Variants in ZNF79 observed in about 807,000 individuals in gnomAD.
ZNF79 encodes ZNFpT7.
A neutral mutation model predicts 14.9 loss-of-function variants in ZNF79; 13 were observed. The ratio of observed to expected loss-of-function variants is 0.87; its 90% CI spans 0.57 to 1.38. The LOEUF is 1.38. Among genes scored for constraint, ZNF79 ranks in the 40% most tolerant of loss-of-function variants. The pLI is 0.00. For missense variants in ZNF79, 631 were observed against 630.6 expected (o/e 1.00, Z -0.01); for synonymous variants, 223 against 235.1 (o/e 0.95, Z 0.47).
chr9:127,427,425 A>G (rs1478198108), intron 1 of ZNF79, among the ~76,000 whole-genome samples: 1 of 148,900 alleles, frequency 6.7e-6, no homozygotes, highest in South Asian at 2.1e-4. Flanking sequence ...CTCCGTCTCA[A>G]AAAAAAAAAA....
Position 127,444,694 on chromosome 9 carries a change from C to T in ZNF79, c.994C>T (p.Pro332Ser). 1.2e-6 allele frequency: 2 copies of T among 1,614,038 alleles called. No individual in the cohort carries two copies. The highest frequency in any genetic ancestry group is 2.2e-5 in the South Asian group (2 of 91,076). The change falls in exon 5 of 5, where the codon CCC becomes TCC. Residue 332 changes from proline to serine, a missense_variant. By Grantham distance (74) the Pro-to-Ser change is moderately conservative. Transcript: ENST00000342483. ...NHQRTHTGEKPYKCSECGKAF... is the reference protein window; with the variant it reads ...NHQRTHTGEKSYKCSECGKAF... ...TCAGAGGACTCACACCGGGGAGAAG[C>T]CCTACAAGTGCAGCGAGTGTGGGAA...
intron 1 of ZNF79, among the ~76,000 whole-genome samples, chr9:127,427,447 T>C (rs371534670): frequency 6.1e-4 from 89 of 146,642 alleles, no homozygotes; most frequent in African/African-American, 2.2e-3. Flanking sequence ...ACACAAAACA[T>C]ACACACAGAA....
chr9:127,429,033 G>A (rs1833812783), intron 2 of ZNF79, 113 bp downstream of exon 2: 1 of 749,804 alleles, frequency 1.3e-6, no homozygotes, highest in African/African-American at 1.8e-5. Flanking sequence ...TTTATTTTTT[G>A]AGACTGAGTC....
chr9:127,439,557 T>C (rs554005898), intron 4 of ZNF79, among the ~76,000 whole-genome samples: 69 of 152,286 alleles, frequency 4.5e-4, no homozygotes, highest in African/African-American at 1.6e-3. Context: ...GTTTGGGCCC[T>C]GGGTTATTCT....
Position 127,444,716 on chromosome 9 carries a change from G to A in ZNF79, c.1016G>A (p.Gly339Glu), listed in dbSNP as rs1329793931. The change falls in exon 5 of 5, where the codon GGG becomes GAG. Residue 339 changes from glycine to glutamate, a missense_variant. Gly to Glu is a moderately conservative substitution (Grantham distance 98). Coordinates refer to ENST00000342483, the MANE Select transcript of ZNF79 (RefSeq NM_007135.3). ...AAGCCCTACAAGTGCAGCGAGTGTG[G>A]GAAGGCCTTCAGTTACTGCGCAGCG... ...GEKPYKCSEC[G>E]KAFSYCAAFI... 1.2e-6 allele frequency: 2 copies of A among 1,613,676 alleles called. No homozygotes were observed. Among genetic ancestry groups the A allele is most frequent in the Non-Finnish European group, 1.7e-6 (2 of 1,179,888 alleles).
At chr9:127,427,269 A>G (rs1833773956) in intron 1 of ZNF79, among the ~76,000 whole-genome samples, 1 of 151,520 alleles carries the variant, frequency 6.6e-6, no homozygotes, top group Non-Finnish European at 1.5e-5. Context: ...AAAAAAAAAA[A>G]AAAGTTAGCC....
chr9:127,431,709 T>G lies in ZNF79; in HGVS notation c.105+2789T>G, dbSNP rs117109808. 1.9e-3 allele frequency among the ~76,000 whole-genome samples: 296 copies of G among 152,358 alleles called. 3 individuals are homozygous for G. The East Asian group carries it at 0.041, about 21-fold the overall frequency. On this transcript the variant is annotated intron_variant, in intron 2 of 4. Transcript: ENST00000342483. ...GGTTTTCTCCTATGGTTTTTATAGT[T>G]TAAGGATTTACATTTAAATCTTTAA...
At chr9:127,428,787 TCATAAACTGCTTTTAA>T (rs748673760) in intron 1 of ZNF79, 29 bp from the exon 2 acceptor site, 11 of 1,480,042 alleles carry the variant, frequency 7.4e-6, no homozygotes, top group Non-Finnish European at 1.0e-5. Flanking sequence ...ACTGGTGACT[TCATAAACTGCTTTTAA>T]CATTATTAGT....
At chr9:127,441,089 AT>A (rs927333359) in intron 4 of ZNF79, among the ~76,000 whole-genome samples, 2 of 150,648 alleles carry the variant, frequency 1.3e-5, no homozygotes, top group Non-Finnish European at 3.0e-5. Context: ...TCTCCTTTTG[AT>A]TTTTTTTTAC....
chr9:127,445,214 A>C lies in ZNF79; in HGVS notation c.*17A>C. ...GGAGAGTAACTAGGAACATGGTAGA[A>C]GTGGAGAGAGTCCCGGACATGCCGA... On this transcript the variant is annotated 3_prime_UTR_variant, in exon 5 of 5. Coordinates refer to ENST00000342483, the MANE Select transcript of ZNF79 (RefSeq NM_007135.3). The C allele has an allele frequency of 2.5e-6, 4 of 1,610,752 alleles. No homozygotes were observed. The highest frequency in any genetic ancestry group is 3.4e-6 in the Non-Finnish European group (4 of 1,177,734).
At chr9:127,429,848 G>T (rs1472782752) in intron 2 of ZNF79, among the ~76,000 whole-genome samples, 13 of 135,728 alleles carry the variant, frequency 9.6e-5, no homozygotes, top group Admixed American at 5.5e-4. Flanking sequence ...ATGGAATCTT[G>T]CTCTGTCACC....
At chr9:127,440,495 G>T (rs1343385049) in intron 4 of ZNF79, among the ~76,000 whole-genome samples, 1 of 152,192 alleles carries the variant, frequency 6.6e-6, no homozygotes, top group Non-Finnish European at 1.5e-5. Context: ...GACAGATTGT[G>T]TGGGGCCACT....
At chr9:127,429,974 G>A (rs890872154) in intron 2 of ZNF79, among the ~76,000 whole-genome samples, 41 of 151,774 alleles carry the variant, frequency 2.7e-4, no homozygotes, top group African/African-American at 9.2e-4. Flanking sequence ...GCCCTACCAC[G>A]CCCAGCTAAT....
intron 4 of ZNF79, among the ~76,000 whole-genome samples, chr9:127,439,329 G>A (rs1031450632): frequency 1.3e-5 from 2 of 152,060 alleles, no homozygotes; most frequent in Non-Finnish European, 2.9e-5. Flanking sequence ...ATGTAGTCAT[G>A]TTTCCATATA....
At chr9:127,428,522 T>A in intron 1 of ZNF79, 1 of 303,518 alleles carries the variant, frequency 3.3e-6, no homozygotes. Flanking sequence ...AGATTATCCC[T>A]TACAAGGGTT....
chr9:127,431,761 G>T (rs567704390), intron 2 of ZNF79, among the ~76,000 whole-genome samples: 2 of 152,234 alleles, frequency 1.3e-5, no homozygotes, highest in East Asian at 3.9e-4. Context: ...TTTTGTCGAT[G>T]GTGAAAGGTA....
At chr9:127,443,855 C>T (rs2248154) in intron 4 of ZNF79, among the ~76,000 whole-genome samples, 174 bp from the exon 5 acceptor site, 60,442 of 144,124 alleles carry the variant, frequency 0.42, 13,275 homozygotes, top group Middle Eastern at 0.5. Context: ...GAGCTGAGAT[C>T]GTGCCACTGC....
chr9:127,437,058 CT>C (rs1304267409), intron 4 of ZNF79, among the ~76,000 whole-genome samples: 1 of 84,220 alleles, frequency 1.2e-5, no homozygotes, highest in Admixed American at 1.2e-4. Flanking sequence ...GAAACTCTGT[CT>C]TAAAAAAAAA....
At chr9:127,439,963 T>C (rs1308235851) in intron 4 of ZNF79, among the ~76,000 whole-genome samples, 1 of 152,090 alleles carries the variant, frequency 6.6e-6, no homozygotes, top group Admixed American at 6.6e-5. Context: ...CCCGGGTTCA[T>C]GCCATTCTCC....
Sources: gnomAD v4.1 joint callset for allele counts (sites outside exome capture counted in the v4.1 genomes callset) on GRCh38, gnomAD v4.1.1 for gene constraint, MANE v1.5 for transcripts, NCBI Gene and HGNC (gene_info 2026-07-23, HGNC 2026-07-21) for gene names.